The following NSD2 variants were observed in gnomAD, a reference collection of about 807,000 sequenced individuals.
NSD2 encodes histone-lysine N-methyltransferase NSD2.
In NSD2, 12 loss-of-function variants were observed where a neutral mutation model predicts 139.0. That is an observed-to-expected ratio of 0.09 (90% CI 0.06 to 0.14). The LOEUF (loss-of-function observed/expected upper bound fraction) is 0.14, where lower values mean the gene tolerates loss of function less well. Among genes scored for constraint, NSD2 ranks in the 10% least tolerant of loss-of-function variants. The pLI, the probability that NSD2 is intolerant of heterozygous loss-of-function variation, is 1.00. For missense variants in NSD2, 1,155 were observed against 1,745.0 expected, an observed-to-expected ratio of 0.66 and a Z score of 6.02; for synonymous variants, 669 against 648.7, an observed-to-expected ratio of 1.03 and a Z score of -0.48.
At chr4:1,975,161 T>G (rs1382517507) in intron 19 of NSD2, 133 bp from the exon 20 acceptor site, 10 of 1,403,086 alleles carry the variant, frequency 7.1e-6, no homozygotes, top group African/African-American at 1.4e-5. Flanking sequence ...CAAGCAAAAT[T>G]GAAAGGCCAT....
Position 1,961,109 on chromosome 4 carries a change from C to A in NSD2, c.3330C>A (p.His1110Gln), listed in dbSNP as rs754150618. Residue 1110 changes from histidine (H) to glutamine (Q), a missense_variant, in exon 18 of 22, where the codon CAC becomes CAA. Coordinates refer to ENST00000508803, the MANE Select transcript of NSD2 (RefSeq NM_001042424.3). ...GCATGGCGAGAATCAAGCACGCACACGAGAACGACATCACCCACTTCTACA... is the reference window on the plus strand; with the variant it reads ...GCATGGCGAGAATCAAGCACGCACAAGAGAACGACATCACCCACTTCTACA... The part of the protein sequence containing the change: ...EECMARIKHA[H>Q]ENDITHFYML... The A allele has an allele frequency of 6.2e-7, 1 of 1,613,418 alleles. No homozygotes were observed. The highest frequency in any genetic ancestry group is 8.5e-7 in the Non-Finnish European group (1 of 1,179,458).
At chr4:1,944,825 C>G in intron 9 of NSD2, 1 of 1,063,224 alleles carries the variant, frequency 9.4e-7, no homozygotes, top group Non-Finnish European at 1.1e-6. Context: ...AATTAAATGT[C>G]TTTTTTCAGC....
chr4:1,903,732 ATTT>A (rs1219690096), intron 2 of NSD2, among the ~76,000 whole-genome samples: 5 of 136,592 alleles, frequency 3.7e-5, no homozygotes, highest in Non-Finnish European at 3.2e-5. Flanking sequence ...TGAGAGAGAA[ATTT>A]TTTTTTTTTT....
rs758772953 is a variant in NSD2, at chr4:1,953,460, C to G, written c.2274C>G (p.Arg758=). 70 of 1,613,994 alleles carry G rather than the reference C, an allele frequency of 4.3e-5. 1 individual carries two copies. The South Asian group carries it at 7.2e-4, about 17-fold the overall frequency. The change falls in exon 12 of 22, where the codon CGC becomes CGG. Residue 758 remains arginine (R), a synonymous_variant. Coordinates refer to ENST00000508803, the MANE Select transcript of NSD2 (RefSeq NM_001042424.3). ...CTGTATTTGAGAGCCGAGGTTTCCGCTGCCCCCTCCACAGCTGTGTGAGCT... is the reference window on the plus strand; with the variant it reads ...CTGTATTTGAGAGCCGAGGTTTCCGGTGCCCCCTCCACAGCTGTGTGAGCT... ...PLTVFESRGF[R]CPLHSCVSCH...
intron 8 of NSD2, 138 bp from the exon 9 acceptor site, chr4:1,939,516 T>C: frequency 2.2e-6 from 2 of 902,010 alleles, no homozygotes; most frequent in Non-Finnish European, 3.4e-6. Context: ...TTTTCCATGA[T>C]AGAAAGTTAA....
chr4:1,971,683 G>C (rs1374038483), intron 18 of NSD2, among the ~76,000 whole-genome samples: 1 of 152,204 alleles, frequency 6.6e-6, no homozygotes, highest in Non-Finnish European at 1.5e-5. Flanking sequence ...GGACCTGTGA[G>C]GGTGTGTGCC....
rs1417956089 is a variant in NSD2, at chr4:1,936,158, CAG to C, written c.1674+899_1674+900del. 3.9e-5 allele frequency among the ~76,000 whole-genome samples: 6 copies of C among 152,178 alleles called. No individual in the cohort carries two copies. In the East Asian group the frequency reaches 1.2e-3, roughly 29 times the overall value. ...CTTACTGCCAGCATGTGTCCAGGGA[CAG>C]AGTTTGCCTGGTACCTGCAGGGGAG... On this transcript the variant is annotated intron_variant, in intron 7 of 21. Transcript: ENST00000508803.
At position 1,900,810 on chromosome 4, in the gene NSD2, G is replaced by C; in HGVS notation, c.156G>C (p.Gln52His). 1.2e-6 allele frequency: 2 copies of C among 1,614,124 alleles called. No individual in the cohort carries two copies. The highest frequency in any genetic ancestry group is 8.5e-7 in the Non-Finnish European group (1 of 1,180,018). ...GTTCTGTGTTCCTCAGCAAAGCCCA[G>C]CTCTCCAGTAGCCTGCAGGAGGGGG... ...RECSVFLSKAQLSSSLQEGVM... is the reference protein window; with the variant it reads ...RECSVFLSKAHLSSSLQEGVM... The change falls in exon 2 of 22, where the codon CAG becomes CAC. Residue 52 changes from glutamine (Q) to histidine (H), a missense_variant. Gln to His is a conservative substitution (Grantham distance 24). This residue lies in a region of NSD2 where 246 missense variants were observed against 262.8 expected (regional missense o/e 0.94). Coordinates refer to ENST00000508803, the MANE Select transcript of NSD2 (RefSeq NM_001042424.3).
chr4:1,935,151 A>G lies in NSD2; in HGVS notation c.1563A>G (p.Val521=). Residue 521 remains valine, a synonymous_variant, in exon 7 of 22, where the codon GTA becomes GTG. Coordinates refer to ENST00000508803, the MANE Select transcript of NSD2 (RefSeq NM_001042424.3). ...PVQAEEDSGN[V]NGKKRNHTKR... Reference sequence around the variant, plus strand: ...CCCATTCCCCATTCCAAGGTAATGTAAATGGGAAAAAAAGAAACCACACAA... The same window carrying G: ...CCCATTCCCCATTCCAAGGTAATGTGAATGGGAAAAAAAGAAACCACACAA... 1 of 1,609,664 alleles carries G rather than the reference A, an allele frequency of 6.2e-7. No individual in the cohort carries two copies.
chr4:1,900,531 C>G (rs1717008509), intron 1 of NSD2, 95 bp from the exon 2 acceptor site: 1 of 729,252 alleles, frequency 1.4e-6, no homozygotes, highest in East Asian at 2.9e-5. Context: ...CAAAGAAAAT[C>G]AGACCCCACA....
At chr4:1,941,642 A>G (rs1723108949) in intron 9 of NSD2, 1 of 1,038,708 alleles carries the variant, frequency 9.6e-7, no homozygotes, top group South Asian at 4.6e-5. Flanking sequence ...ACCTTCCTAC[A>G]TTTTGAAGGT....
In NSD2 at chr4:1,981,979, T is replaced by C. The variant is rs1456061727; in HGVS notation, c.*3070T>C. On this transcript the variant is annotated 3_prime_UTR_variant, in exon 22 of 22. Transcript: ENST00000508803. ...TGTGCCTATTGGTGTCTAAACTTCA[T>C]ACAATGTAAGGTCAGATTCCTTTTA... 2.5e-6 allele frequency: 1 copy of C among 398,568 alleles called. No individual in the cohort carries two copies. 24.7% of individuals were successfully genotyped at this position (398,568 alleles called of 1,614,324 possible). A position where few individuals can be genotyped will look rare whatever the true frequency, so the allele number is the denominator to read the frequency against.
chr4:1,876,569 A>G (rs767802642), intron 1 of NSD2, among the ~76,000 whole-genome samples: 7 of 151,836 alleles, frequency 4.6e-5, no homozygotes, highest in African/African-American at 7.2e-5. Flanking sequence ...GTGTGTGCCT[A>G]TAGTCCCAGA....
chr4:1,928,630 G>A (rs566636834), intron 5 of NSD2, among the ~76,000 whole-genome samples: 5 of 151,896 alleles, frequency 3.3e-5, no homozygotes, highest in African/African-American at 4.8e-5. Flanking sequence ...CTTGTGAGGC[G>A]AGGTGGCTGC....
chr4:1,884,599 G>A (rs1714942904), intron 1 of NSD2, among the ~76,000 whole-genome samples: 1 of 151,822 alleles, frequency 6.6e-6, no homozygotes, highest in Non-Finnish European at 1.5e-5. Context: ...TCACTATGTT[G>A]GCCAGGATGG....
intron 10 of NSD2, among the ~76,000 whole-genome samples, chr4:1,951,442 A>G (rs1724216319): frequency 3.6e-5 from 1 of 28,038 alleles, no homozygotes; most frequent in Admixed American, 4.1e-4. Flanking sequence ...ACATCATGTA[A>G]TACACACACA....
chr4:1,966,423 G>A (rs1037965059), intron 18 of NSD2, among the ~76,000 whole-genome samples: 3 of 152,212 alleles, frequency 2.0e-5, no homozygotes, highest in Non-Finnish European at 4.4e-5. Flanking sequence ...TTGGGAGGCT[G>A]AGATGGGTGG....
intron 5 of NSD2, among the ~76,000 whole-genome samples, chr4:1,927,478 G>A (rs537394499): frequency 3.3e-5 from 5 of 152,186 alleles, no homozygotes; most frequent in African/African-American, 4.8e-5. Context: ...AGCACTTTGG[G>A]AGGCCATGGC....
intron 2 of NSD2, among the ~76,000 whole-genome samples, chr4:1,901,909 G>T (rs921242121): frequency 2.0e-5 from 3 of 152,214 alleles, no homozygotes; most frequent in Non-Finnish European, 4.4e-5. Context: ...CGATGGAAAG[G>T]TGTGGTGGTG....
Sources: allele counts gnomAD v4.1 joint callset (sites outside exome capture counted in the v4.1 genomes callset), GRCh38; gene constraint gnomAD v4.1.1; regional missense constraint gnomAD v4.1.1; transcripts MANE v1.5; gene names NCBI Gene and HGNC (gene_info 2026-07-23, HGNC 2026-07-21).